Variants in OSBPL8 observed in about 807,000 individuals in gnomAD.
The protein encoded by OSBPL8 is oxysterol-binding protein-related protein 8.
Under a neutral mutation model 125.5 loss-of-function variants are expected in OSBPL8, and 59 were observed. That is an observed-to-expected ratio of 0.47 (90% CI 0.38 to 0.58). The LOEUF (loss-of-function observed/expected upper bound fraction) is 0.58, where lower values mean the gene tolerates loss of function less well. Among genes scored for constraint, OSBPL8 ranks in the 20% least tolerant of loss-of-function variants. The probability of loss-of-function intolerance (pLI) is 0.00; values close to 1 mark genes in which losing one functional copy is unlikely to be tolerated. For missense variants in OSBPL8, 758 were observed against 1,047.8 expected, an observed-to-expected ratio of 0.72 and a Z score of 3.82; for synonymous variants, 330 against 338.9, an observed-to-expected ratio of 0.97 and a Z score of 0.29.
chr12:76,531,439 T>C (rs1390524715), intron 1 of OSBPL8, among the ~76,000 whole-genome samples: 1 of 152,218 alleles, frequency 6.6e-6, no homozygotes, highest in East Asian at 1.9e-4. Context: ...AACTAGTCCC[T>C]TCAGACCAAT....
intron 1 of OSBPL8, among the ~76,000 whole-genome samples, chr12:76,549,551 C>A (rs1360975479): frequency 1.3e-5 from 2 of 152,268 alleles, no homozygotes; most frequent in Admixed American, 1.3e-4. Context: ...GCTGGGATTA[C>A]AGGCACCTGC....
chr12:76,490,346 C>T (rs918168091), intron 1 of OSBPL8, among the ~76,000 whole-genome samples: 8 of 152,170 alleles, frequency 5.3e-5, no homozygotes, highest in African/African-American at 1.4e-4. Context: ...GTTGCCTTTT[C>T]CTAAACCACC....
At chr12:76,529,062 G>GT (rs1369146147) in intron 1 of OSBPL8, among the ~76,000 whole-genome samples, 144 of 150,942 alleles carry the variant, frequency 9.5e-4, no homozygotes, top group African/African-American at 3.4e-3. Context: ...TCTTAGTTTT[G>GT]TTTTGTTTTT....
At chr12:76,542,470 T>C (rs898126117) in intron 1 of OSBPL8, among the ~76,000 whole-genome samples, 2 of 152,218 alleles carry the variant, frequency 1.3e-5, no homozygotes, top group South Asian at 4.1e-4. Context: ...TTAGGATGCA[T>C]CACAATCATC....
chr12:76,370,708 C>T (rs1334161238), intron 19 of OSBPL8, among the ~76,000 whole-genome samples: 1 of 152,178 alleles, frequency 6.6e-6, no homozygotes. Flanking sequence ...CATATACATT[C>T]TTCCATCTTT....
At chr12:76,424,076 C>T (rs895156895) in intron 4 of OSBPL8, among the ~76,000 whole-genome samples, 26 of 152,054 alleles carry the variant, frequency 1.7e-4, no homozygotes, top group Admixed American at 1.7e-3. Context: ...TCTCAGCTCG[C>T]TGCCACCTCT....
At chr12:76,456,280 A>G (rs1206619612) in intron 3 of OSBPL8, among the ~76,000 whole-genome samples, 2 of 152,200 alleles carry the variant, frequency 1.3e-5, no homozygotes, top group Non-Finnish European at 2.9e-5. Flanking sequence ...ATGTCAGTAT[A>G]GATCACGTAC....
chr12:76,514,499 A>G, intron 1 of OSBPL8, among the ~76,000 whole-genome samples: 1 of 152,234 alleles, frequency 6.6e-6, no homozygotes. Context: ...GGCCCTCCTC[A>G]ATCTCTTCTG....
At chr12:76,475,499 A>C (rs1391610102) in intron 2 of OSBPL8, among the ~76,000 whole-genome samples, 3 of 152,186 alleles carry the variant, frequency 2.0e-5, no homozygotes, top group Non-Finnish European at 4.4e-5. Context: ...CTATTTTTTA[A>C]TTTTTAAACT....
chr12:76,369,031 G>A (rs984982493), intron 21 of OSBPL8, among the ~76,000 whole-genome samples, 183 bp downstream of exon 21: 3 of 152,080 alleles, frequency 2.0e-5, no homozygotes, highest in African/African-American at 7.2e-5. Flanking sequence ...CCAGAGTTCT[G>A]GCAAATTGAG....
chr12:76,547,789 A>C lies in OSBPL8; in HGVS notation c.-68+11608T>G, dbSNP rs530615365. ...AAGTCACTATTTTACACACAATTCTAAACAGTTTCATTCAGTTTCCAAGTA... is the reference window on the plus strand; with the variant it reads ...AAGTCACTATTTTACACACAATTCTCAACAGTTTCATTCAGTTTCCAAGTA... On this transcript the variant is annotated intron_variant, in intron 1 of 23. Coordinates refer to ENST00000261183, the MANE Select transcript of OSBPL8 (RefSeq NM_020841.5). 2.6e-5 allele frequency among the ~76,000 whole-genome samples: 4 copies of C among 152,324 alleles called. No homozygotes were observed. The South Asian group carries it at 8.3e-4, about 32-fold the overall frequency.
At chr12:76,389,882 T>A in intron 11 of OSBPL8, 53 bp from the exon 12 acceptor site, 2 of 1,340,966 alleles carry the variant, frequency 1.5e-6, no homozygotes, top group Non-Finnish European at 2.0e-6. Flanking sequence ...CAGACAGATA[T>A]GTAAACAAGC....
At chr12:76,396,305 C>T (rs1259538330) in intron 8 of OSBPL8, among the ~76,000 whole-genome samples, 2 of 151,978 alleles carry the variant, frequency 1.3e-5, no homozygotes, top group African/African-American at 2.4e-5. Flanking sequence ...ATGTGTATTA[C>T]GTTATTAAGC....
At chr12:76,459,775 G>C in intron 3 of OSBPL8, 84 bp downstream of exon 3, 5 of 1,473,138 alleles carry the variant, frequency 3.4e-6, no homozygotes, top group Non-Finnish European at 4.7e-6. Context: ...ATTCAAAATT[G>C]AAACACCATT....
rs145846515 is a variant in OSBPL8 at position 76,430,016 on chromosome 12, C to T, written c.218-19382G>A. On this transcript the variant is annotated intron_variant, in intron 4 of 23. Transcript: ENST00000261183. The stretch of plus-strand genomic sequence containing the variant: ...GCCCACTAGCACCCCTGGTAACAGG[C>T]CTGCTGACTTCCAACACAACTACAG... Among the ~76,000 whole-genome samples, 330 of 152,210 alleles carry T rather than the reference C, an allele frequency of 2.2e-3. 1 individual carries two copies. Among genetic ancestry groups the T allele is most frequent in the Non-Finnish European group, 4.0e-3 (271 of 68,004 alleles).
chr12:76,357,041 C>G (rs1009300660), intron 22 of OSBPL8, among the ~76,000 whole-genome samples: 1 of 152,090 alleles, frequency 6.6e-6, no homozygotes, highest in Non-Finnish European at 1.5e-5. Flanking sequence ...TGTTCCTTGC[C>G]CATTTGCCTA....
chr12:76,442,516 G>T (rs953573279), intron 4 of OSBPL8, among the ~76,000 whole-genome samples: 3 of 151,930 alleles, frequency 2.0e-5, no homozygotes, highest in Non-Finnish European at 2.9e-5. Flanking sequence ...TTAAAACTCA[G>T]AAGAAAATTA....
At chr12:76,502,687 C>T (rs991245701) in intron 1 of OSBPL8, among the ~76,000 whole-genome samples, 2 of 152,132 alleles carry the variant, frequency 1.3e-5, no homozygotes, top group South Asian at 4.1e-4. Flanking sequence ...GACTAGTAAT[C>T]GCCTAGACTC....
chr12:76,354,458 A>G lies in OSBPL8; in HGVS notation c.*1431T>C, dbSNP rs2136107437. ...ATTTATCATGGCATAAACGATTATA[A>G]TTTTACTATTTCACAGCCTCCTCCT... On this transcript the variant is annotated 3_prime_UTR_variant, in exon 24 of 24. Transcript: ENST00000261183. 1 of 151,972 alleles carries G rather than the reference A, an allele frequency of 6.6e-6. No individual in the cohort carries two copies. The highest frequency in any genetic ancestry group is 1.5e-5 in the Non-Finnish European group (1 of 67,812). The allele number at this position is 151,972 out of a possible 1,614,324, so 9.4% of individuals were successfully genotyped here.
Sources: gnomAD v4.1 joint callset for allele counts (sites outside exome capture counted in the v4.1 genomes callset) on GRCh38, gnomAD v4.1.1 for gene constraint, MANE v1.5 for transcripts, NCBI Gene and HGNC (gene_info 2026-07-23, HGNC 2026-07-21) for gene names.